TBC1D4: variants seen among roughly 807,000 people sequenced by gnomAD.
TBC1D4 encodes TBC1 domain family member 4, also known as TBC (Tre-2, BUB2, CDC16) domain-containing protein.
In TBC1D4, 121 loss-of-function variants were observed where a neutral mutation model predicts 142.5. The observed-to-expected ratio is 0.85, with a 90% confidence interval of 0.73 to 0.99. The LOEUF (loss-of-function observed/expected upper bound fraction) is 0.99, where lower values mean the gene tolerates loss of function less well. Ranked by LOEUF, TBC1D4 falls within the 50% of genes least tolerant of loss-of-function variation. TBC1D4 has a pLI of 0.00. For synonymous variants in TBC1D4, 630 were observed against 628.2 expected (o/e 1.00, Z -0.04); for missense variants, 1,475 against 1,606.6 (o/e 0.92, Z 1.40).
chr13:75,341,717 T>C, intron 5 of TBC1D4, 130 bp from the exon 6 acceptor site: 1 of 757,042 alleles, frequency 1.3e-6, no homozygotes, highest in Admixed American at 2.0e-5. Flanking sequence ...GACGTGTTCC[T>C]GCCTACAAGA....
At chr13:75,397,631 T>TTTTTG (rs147432891) in intron 1 of TBC1D4, among the ~76,000 whole-genome samples, 10 of 152,200 alleles carry the variant, frequency 6.6e-5, no homozygotes, top group Admixed American at 4.6e-4. Flanking sequence ...TTGCTTTGCT[T>TTTTTG]TTTTGTTTTG....
At chr13:75,420,792 A>AT (rs1393921302) in intron 1 of TBC1D4, among the ~76,000 whole-genome samples, 2 of 152,222 alleles carry the variant, frequency 1.3e-5, no homozygotes, top group Non-Finnish European at 2.9e-5. Flanking sequence ...GAAGAGAACA[A>AT]GCAGTCCAAG....
chr13:75,363,682 T>C (rs1173736040), intron 1 of TBC1D4, among the ~76,000 whole-genome samples: 2 of 152,170 alleles, frequency 1.3e-5, no homozygotes, highest in African/African-American at 4.8e-5. Context: ...CCTGGGGACA[T>C]GTCATCAGGA....
rs753767392 is a variant in TBC1D4, at chr13:75,359,763, A to T, written c.1170+6T>A. The T allele has an allele frequency of 6.3e-6, 10 of 1,598,140 alleles. No homozygotes were observed. Among genetic ancestry groups the T allele is most frequent in the Non-Finnish European group, 8.6e-6 (10 of 1,165,642 alleles). On this transcript the variant is annotated splice_donor_region_variant and intron_variant, in intron 3 of 20. Coordinates refer to ENST00000377636, the MANE Select transcript of TBC1D4 (RefSeq NM_014832.5). Reference sequence around the variant, plus strand: ...TTCACATACTATGATATACTTTGATACATACCTGAGAACAAGAGGAGATAT... The same window carrying T: ...TTCACATACTATGATATACTTTGATTCATACCTGAGAACAAGAGGAGATAT...
At chr13:75,336,433 G>T (rs920743749) in intron 8 of TBC1D4, among the ~76,000 whole-genome samples, 1 of 148,252 alleles carries the variant, frequency 6.7e-6, no homozygotes, top group South Asian at 2.2e-4. Context: ...GCTGGGCATG[G>T]ATGGTGGCTC....
chr13:75,348,949 G>C (rs1881369288), intron 5 of TBC1D4, among the ~76,000 whole-genome samples: 2 of 126,062 alleles, frequency 1.6e-5, no homozygotes, highest in Middle Eastern at 3.8e-3. Flanking sequence ...TAGAGAGAGA[G>C]AGAGAGTGTG....
intron 1 of TBC1D4, among the ~76,000 whole-genome samples, chr13:75,410,087 T>A (rs553401174): frequency 6.6e-6 from 1 of 152,142 alleles, no homozygotes; most frequent in Non-Finnish European, 1.5e-5. Context: ...ACTCTCAGAG[T>A]ATTGTTGTGA....
At chr13:75,311,889 C>T (rs938858493) in intron 13 of TBC1D4, among the ~76,000 whole-genome samples, 9 of 152,034 alleles carry the variant, frequency 5.9e-5, no homozygotes, top group African/African-American at 1.7e-4. Context: ...CCATAGGAGG[C>T]GAAGTTCTCT....
chr13:75,423,148 A>G (rs1223477972), intron 1 of TBC1D4, among the ~76,000 whole-genome samples: 1 of 152,192 alleles, frequency 6.6e-6, no homozygotes, highest in Admixed American at 6.5e-5. Context: ...GCCCAAAGTT[A>G]TCACAAATTA....
At chr13:75,348,954 A>AGTGTGTGTGTGT (rs55954112) in intron 5 of TBC1D4, among the ~76,000 whole-genome samples, 96 of 139,162 alleles carry the variant, frequency 6.9e-4, no homozygotes, top group Admixed American at 2.2e-3. Flanking sequence ...AGAGAGAGAG[A>AGTGTGTGTGTGT]GTGTGTGTGT....
intron 7 of TBC1D4, among the ~76,000 whole-genome samples, chr13:75,340,521 T>A (rs1161997312): frequency 6.6e-6 from 1 of 152,252 alleles, no homozygotes; most frequent in African/African-American, 2.4e-5. Context: ...TTAATATAAC[T>A]AAAAATAATG....
At chr13:75,333,959 T>G (rs1456816517) in intron 8 of TBC1D4, among the ~76,000 whole-genome samples, 2 of 152,202 alleles carry the variant, frequency 1.3e-5, no homozygotes, top group Non-Finnish European at 2.9e-5. Flanking sequence ...CAGAAGCAGT[T>G]CTGTTTCTTC....
At chr13:75,342,385 A>G (rs1880786269) in intron 5 of TBC1D4, among the ~76,000 whole-genome samples, 1 of 152,242 alleles carries the variant, frequency 6.6e-6, no homozygotes, top group Admixed American at 6.5e-5. Context: ...ACAACTTGAC[A>G]TTTAAAGAAG....
At chr13:75,477,331 C>T (rs925072369) in intron 1 of TBC1D4, among the ~76,000 whole-genome samples, 2 of 152,112 alleles carry the variant, frequency 1.3e-5, no homozygotes, top group Non-Finnish European at 2.9e-5. Context: ...TAGTAATACA[C>T]GTTTTTAAGA....
chr13:75,306,307 A>C lies in TBC1D4; in HGVS notation c.2752+6T>G, dbSNP rs781517791. The C allele has an allele frequency of 6.2e-7, 1 of 1,606,772 alleles. No homozygotes were observed. Among genetic ancestry groups the C allele is most frequent in the South Asian group, 1.1e-5 (1 of 89,628 alleles). On this transcript the variant is annotated splice_donor_region_variant and intron_variant, in intron 15 of 20. Transcript: ENST00000377636. ...AAACAAAAATTACTGAGATTATCCC[A>C]AATACCTTCTTTAAGAAGAGTATGA...
intron 11 of TBC1D4, 50 bp downstream of exon 11, chr13:75,324,187 T>C: frequency 6.2e-7 from 1 of 1,606,204 alleles, no homozygotes; most frequent in African/African-American, 1.3e-5. Flanking sequence ...AACATATCAG[T>C]ATATCACTGC....
At chr13:75,460,187 C>T (rs1378575512) in intron 1 of TBC1D4, among the ~76,000 whole-genome samples, 1 of 152,034 alleles carries the variant, frequency 6.6e-6, no homozygotes, top group African/African-American at 2.4e-5. Context: ...ACATATTAGT[C>T]ATTGTGTTAG....
intron 2 of TBC1D4, among the ~76,000 whole-genome samples, chr13:75,361,493 G>A (rs371021695): frequency 9.9e-4 from 150 of 152,102 alleles, no homozygotes; most frequent in African/African-American, 3.5e-3. Flanking sequence ...CAATTCTCCC[G>A]CCTCAGCACC....
chr13:75,298,949 A>G lies in TBC1D4; in HGVS notation c.3156+381T>C, dbSNP rs540169929. Reference sequence around the variant, plus strand: ...AGTAAAGGGATAAAGATACTTTCAGATTGTAAACAAAAGATCTGTGAGCCT... The same window carrying G: ...AGTAAAGGGATAAAGATACTTTCAGGTTGTAAACAAAAGATCTGTGAGCCT... On this transcript the variant is annotated intron_variant, in intron 17 of 20. Coordinates refer to ENST00000377636, the MANE Select transcript of TBC1D4 (RefSeq NM_014832.5). 5.9e-5 allele frequency among the ~76,000 whole-genome samples: 9 copies of G among 152,342 alleles called. No individual in the cohort carries two copies. In the East Asian group the frequency reaches 1.5e-3, roughly 26 times the overall value.
Sources: gnomAD v4.1 joint callset for allele counts (sites outside exome capture counted in the v4.1 genomes callset) on GRCh38, gnomAD v4.1.1 for gene constraint, MANE v1.5 for transcripts, NCBI Gene and HGNC (gene_info 2026-07-23, HGNC 2026-07-21) for gene names.